The following CCDC175 variants were observed in gnomAD, a reference collection of about 807,000 sequenced individuals.
The protein encoded by CCDC175 is coiled-coil domain containing 175.
A neutral mutation model predicts 114.6 loss-of-function variants in CCDC175; 100 were observed. That is an observed-to-expected ratio of 0.87 (90% CI 0.74 to 1.03). The LOEUF is 1.03. Ranked by LOEUF, CCDC175 falls within the 50% of genes least tolerant of loss-of-function variation. The pLI is 0.00. For synonymous variants in CCDC175, 306 were observed against 308.7 expected (o/e 0.99, Z 0.09); for missense variants, 880 against 917.8 (o/e 0.96, Z 0.53).
intron 6 of CCDC175, 28 bp from the exon 7 acceptor site, chr14:59,561,256 A>G: frequency 8.3e-7 from 1 of 1,211,148 alleles, no homozygotes; most frequent in South Asian, 1.3e-5. Context: ...AAAATATGGC[A>G]TCCAATCATC....
At chr14:59,520,435 A>C (rs1893360286) in intron 17 of CCDC175, among the ~76,000 whole-genome samples, 1 of 152,232 alleles carries the variant, frequency 6.6e-6, no homozygotes, top group African/African-American at 2.4e-5. Context: ...TACACTAACC[A>C]TATATATTTC....
At position 59,576,724 on chromosome 14, in the gene CCDC175, G is replaced by T; in HGVS notation, c.52C>A (p.Gln18Lys). 6.8e-7 allele frequency: 1 copy of T among 1,476,716 alleles called. No individual in the cohort carries two copies. Among genetic ancestry groups the T allele is most frequent in the Admixed American group, 2.5e-5 (1 of 39,926 alleles). The allele number at this position is 1,476,716 out of a possible 1,614,324, so 91.5% of individuals were successfully genotyped here. A position where few individuals can be genotyped will look rare whatever the true frequency, so the allele number is the denominator to read the frequency against. Residue 18 changes from glutamine to lysine, a missense_variant, in exon 1 of 20, where the codon CAG becomes AAG. Physicochemically the swap from Gln to Lys is moderately conservative, Grantham distance 53. Coordinates refer to ENST00000537690, the MANE Select transcript of CCDC175 (RefSeq NM_001164399.2). ...GGGCCAGTGGAGACGGCAGCCGCCT[G>T]CACCAGCTTCTCGCCAGCGCCCAGC... ...PGLGAGEKLV[Q>K]AAAVSTGPSL... is the part of the protein sequence containing the mutation.
intron 14 of CCDC175, among the ~76,000 whole-genome samples, chr14:59,527,902 C>G (rs907927744): frequency 6.6e-6 from 1 of 151,828 alleles, no homozygotes; most frequent in Non-Finnish European, 1.5e-5. Context: ...TTGCATTTTT[C>G]TTTTTCTTTT....
At chr14:59,506,702 TTTTC>T (rs1196627817) in intron 19 of CCDC175, among the ~76,000 whole-genome samples, 21 of 152,336 alleles carry the variant, frequency 1.4e-4, no homozygotes, top group African/African-American at 2.6e-4. Flanking sequence ...AGGCAAATGA[TTTTC>T]TTTCTTCTCA....
Position 59,522,000 on chromosome 14 carries a change from G to T in CCDC175, c.1996-324C>A, listed in dbSNP as rs1234179798. Among the ~76,000 whole-genome samples the T allele has an allele frequency of 2.6e-5, 4 of 152,246 alleles. No homozygotes were observed. The East Asian group carries it at 7.7e-4, about 29-fold the overall frequency. ...AACAAAAATGTTCCTTATGCAAAAT[G>T]TGTGTACAGTAGATGTCACAAAGCA... On this transcript the variant is annotated intron_variant, in intron 16 of 19. Transcript: ENST00000537690.
At position 59,555,008 on chromosome 14, in the gene CCDC175, C is replaced by T. The variant is rs9796478; in HGVS notation, c.954-3572G>A. Among the ~76,000 whole-genome samples, 42 of 152,076 alleles carry T rather than the reference C, an allele frequency of 2.8e-4. 1 individual carries two copies. In the South Asian group the frequency reaches 2.9e-3, roughly 11 times the overall value. On this transcript the variant is annotated intron_variant, in intron 7 of 19. Transcript: ENST00000537690. ...CAACCAAAAAAAGTCCAGGATCAGA[C>T]GGATTCACAGCAGAATTCTACCAGA...
At chr14:59,541,853 A>G (rs963636270) in intron 10 of CCDC175, among the ~76,000 whole-genome samples, 1 of 152,242 alleles carries the variant, frequency 6.6e-6, no homozygotes, top group Non-Finnish European at 1.5e-5. Flanking sequence ...TTCATGAGGA[A>G]CATAAAACCT....
Position 59,556,055 on chromosome 14 carries a change from G to C in CCDC175, c.954-4619C>G, listed in dbSNP as rs145775707. Among the ~76,000 whole-genome samples the C allele has an allele frequency of 3.6e-3, 550 of 152,304 alleles. 3 individuals carry two copies. The highest frequency in any genetic ancestry group is 0.012 in the African/African-American group (500 of 41,554). On this transcript the variant is annotated intron_variant, in intron 7 of 19. Transcript: ENST00000537690. ...GCCATACTGCCCAAGGTAATTTATAGATTCAATGCCATCCCCATTAAGCTA... is the reference window on the plus strand; with the variant it reads ...GCCATACTGCCCAAGGTAATTTATACATTCAATGCCATCCCCATTAAGCTA...
intron 3 of CCDC175, among the ~76,000 whole-genome samples, chr14:59,568,982 A>T (rs186352073): frequency 1.8e-3 from 270 of 152,362 alleles, no homozygotes; most frequent in African/African-American, 5.9e-3. Flanking sequence ...ATAAAATAAT[A>T]ATGCAAAAGC....
intron 1 of CCDC175, 74 bp downstream of exon 1, chr14:59,576,545 A>C: frequency 1.5e-6 from 2 of 1,315,340 alleles, no homozygotes; most frequent in South Asian, 1.9e-5. Context: ...GTCCCCGCTC[A>C]GGGTTCCCGC....
intron 7 of CCDC175, among the ~76,000 whole-genome samples, chr14:59,554,357 G>C (rs1347082506): frequency 6.6e-6 from 1 of 152,180 alleles, no homozygotes; most frequent in Non-Finnish European, 1.5e-5. Context: ...ACCTGTTCCT[G>C]AATGACTACT....
chr14:59,546,769 C>T (rs922858173), intron 8 of CCDC175, among the ~76,000 whole-genome samples: 2 of 151,898 alleles, frequency 1.3e-5, no homozygotes, highest in South Asian at 2.1e-4. Flanking sequence ...CTGGGAGGTC[C>T]GAGGCTGCAG....
chr14:59,511,805 T>C lies in CCDC175; in HGVS notation c.2099-2A>G. 6.5e-7 allele frequency: 1 copy of C among 1,530,140 alleles called. No homozygotes were observed. The highest frequency in any genetic ancestry group is 8.8e-7 in the Non-Finnish European group (1 of 1,140,700). The allele number at this position is 1,530,140 out of a possible 1,614,324, so 94.8% of individuals were successfully genotyped here. ...CAGCCCACAAATCCTTATATTGTGC[T>C]AAAATAAAGATTTAAAAAATACAAT... On this transcript the variant is annotated splice_acceptor_variant, in intron 17 of 19. Transcript: ENST00000537690. LOFTEE classifies it high-confidence loss of function.
intron 8 of CCDC175, among the ~76,000 whole-genome samples, chr14:59,545,962 A>G (rs112650513): frequency 0.015 from 2,274 of 152,348 alleles, 53 homozygotes; most frequent in African/African-American, 0.052. Flanking sequence ...CAATCCCATT[A>G]CTGAGTATAT....
At chr14:59,567,888 G>A (rs1227049373) in intron 4 of CCDC175, among the ~76,000 whole-genome samples, 1 of 152,138 alleles carries the variant, frequency 6.6e-6, no homozygotes, top group African/African-American at 2.4e-5. Flanking sequence ...GGTGGTGGGG[G>A]TTTGTAAACT....
intron 11 of CCDC175, among the ~76,000 whole-genome samples, chr14:59,540,163 C>T (rs948218656): frequency 6.6e-6 from 1 of 152,140 alleles, no homozygotes; most frequent in African/African-American, 2.4e-5. Flanking sequence ...GATCTAAATA[C>T]AGTATTTTAC....
rs191629926 is a variant in CCDC175, at chr14:59,531,748, A to C, written c.1762+24T>G. The C allele has an allele frequency of 3.1e-5, 45 of 1,437,278 alleles. No individual in the cohort carries two copies. In the African/African-American group the frequency reaches 6.1e-4, roughly 19 times the overall value. The allele number at this position is 1,437,278 out of a possible 1,614,324, so 89.0% of individuals were successfully genotyped here. On this transcript the variant is annotated intron_variant, in intron 14 of 19. Coordinates refer to ENST00000537690, the MANE Select transcript of CCDC175 (RefSeq NM_001164399.2). ...GAAATCCTTACCTGGGATTGAGTTT[A>C]ATTACTAAATGCTTCATATGTACCT...
At chr14:59,561,048 G>T in intron 7 of CCDC175, 71 bp downstream of exon 7, 2 of 686,840 alleles carry the variant, frequency 2.9e-6, no homozygotes, top group Non-Finnish European at 4.7e-6. Context: ...TGAAAACATA[G>T]CATATTAACT....
rs768760579 is a variant in CCDC175 at position 59,510,729 on chromosome 14, A to AT, written c.2221dup (p.Met741AsnfsTer13). 3 of 1,537,256 alleles carry AT rather than the reference A, an allele frequency of 2.0e-6. No individual in the cohort carries two copies. Among genetic ancestry groups the AT allele is most frequent in the South Asian group, 2.4e-5 (2 of 84,058 alleles). On this transcript the variant is annotated frameshift_variant, in exon 19 of 20. Transcript: ENST00000537690. LOFTEE classifies it high-confidence loss of function. ...TCGTAGCCATGTACTGACATGCTGC[A>AT]TTTTTTCATCTCTTTCACGCAGCTT...
Sources: allele counts gnomAD v4.1 joint callset (sites outside exome capture counted in the v4.1 genomes callset), GRCh38; gene constraint gnomAD v4.1.1; transcripts MANE v1.5; gene names NCBI Gene and HGNC (gene_info 2026-07-23, HGNC 2026-07-21).